Variants in CALN1 observed in about 807,000 individuals in gnomAD.
CALN1 encodes calneuron 1, also known as calcium-binding protein 8.
A neutral mutation model predicts 30.6 loss-of-function variants in CALN1; 17 were observed. The observed-to-expected ratio is 0.56, with a 90% CI of 0.38 to 0.83. The LOEUF (loss-of-function observed/expected upper bound fraction) is 0.83. CALN1 is among the 40% of genes least tolerant of loss of function. CALN1 has a pLI of 0.00. For synonymous variants in CALN1, 156 were observed against 131.4 expected (o/e 1.19, Z -1.28); for missense variants, 291 against 354.9 (o/e 0.82, Z 1.45).
At chr7:72,107,625 G>A (rs1807268024) in intron 3 of CALN1, among the ~76,000 whole-genome samples, 1 of 152,144 alleles carries the variant, frequency 6.6e-6, no homozygotes. Context: ...ACAGTGTGAA[G>A]ATGAAAGGTT....
At chr7:71,980,193 T>TC (rs1309025754) in intron 5 of CALN1, among the ~76,000 whole-genome samples, 3 of 148,938 alleles carry the variant, frequency 2.0e-5, no homozygotes, top group Non-Finnish European at 3.0e-5. Context: ...TTTTCTTTTT[T>TC]TTTTTTTTTT....
At chr7:72,240,935 T>C (rs1449639532) in intron 3 of CALN1, among the ~76,000 whole-genome samples, 3 of 152,336 alleles carry the variant, frequency 2.0e-5, no homozygotes, top group East Asian at 3.9e-4. Context: ...AAAGCATTAT[T>C]TGGCCTTCTG....
At chr7:72,266,077 T>A (rs1308710771) in intron 3 of CALN1, among the ~76,000 whole-genome samples, 2 of 151,596 alleles carry the variant, frequency 1.3e-5, no homozygotes, top group African/African-American at 4.9e-5. Context: ...AAAGCTACAG[T>A]GAGCAGTGAA....
At chr7:71,961,034 C>CT (rs1797224979) in intron 5 of CALN1, among the ~76,000 whole-genome samples, 1 of 152,166 alleles carries the variant, frequency 6.6e-6, no homozygotes, top group South Asian at 2.1e-4. Context: ...CCAGGCTGGT[C>CT]TTGAACTCCT....
chr7:72,464,285 G>A, the CALN1 span, among the ~76,000 whole-genome samples: 1 of 152,112 alleles, frequency 6.6e-6, no homozygotes, highest in Non-Finnish European at 1.5e-5. Context: ...CTCCAGCCTG[G>A]GTAACAAAGC....
At chr7:72,062,798 G>GTCCTATTAATA (rs1268266334) in intron 4 of CALN1, among the ~76,000 whole-genome samples, 5 of 152,100 alleles carry the variant, frequency 3.3e-5, no homozygotes, top group African/African-American at 1.2e-4. Context: ...ATCCTAAATA[G>GTCCTATTAATA]TCCTATTAAA....
intron 5 of CALN1, among the ~76,000 whole-genome samples, chr7:71,959,027 GT>G (rs1477658182): frequency 6.6e-6 from 1 of 152,200 alleles, no homozygotes; most frequent in African/African-American, 2.4e-5. Context: ...TCACTTGTTA[GT>G]TATAAAAGAT....
At chr7:72,293,034 A>C (rs1008533591) in intron 2 of CALN1, among the ~76,000 whole-genome samples, 8 of 151,994 alleles carry the variant, frequency 5.3e-5, no homozygotes, top group Non-Finnish European at 1.0e-4. Context: ...GCCCACTCCT[A>C]TGCTTATCTC....
chr7:72,404,506 G>A (rs936269508), intron 1 of CALN1, among the ~76,000 whole-genome samples: 3 of 152,168 alleles, frequency 2.0e-5, no homozygotes, highest in African/African-American at 4.8e-5. Context: ...ACAAAGCCCC[G>A]GCCACCATGG....
chr7:72,075,221 G>T lies in CALN1; in HGVS notation c.388+30930C>A, dbSNP rs73369892. ...GTAAGATGAGGCCCACCCACTAGTG[G>T]GAAGATAATCTGCTTTACACAGTCT... On this transcript the variant is annotated intron_variant, in intron 4 of 6. Transcript: ENST00000395275. Among the ~76,000 whole-genome samples, 1,512 of 152,280 alleles carry T rather than the reference G, an allele frequency of 9.9e-3. 17 individuals carry two copies. Among genetic ancestry groups the T allele is most frequent in the African/African-American group, 0.032 (1,324 of 41,544 alleles).
chr7:71,996,697 G>A (rs1215360338), intron 5 of CALN1, among the ~76,000 whole-genome samples: 1 of 152,166 alleles, frequency 6.6e-6, no homozygotes, highest in Non-Finnish European at 1.5e-5. Flanking sequence ...TACCCTGGAT[G>A]ATGGGTTGAT....
chr7:72,089,230 A>T (rs1346173030), intron 4 of CALN1, among the ~76,000 whole-genome samples: 1 of 152,166 alleles, frequency 6.6e-6, no homozygotes, highest in Non-Finnish European at 1.5e-5. Flanking sequence ...GGTATTAATC[A>T]TTTGTAACTG....
intron 4 of CALN1, among the ~76,000 whole-genome samples, chr7:72,030,465 C>T (rs865910699): frequency 1.3e-5 from 2 of 152,194 alleles, no homozygotes; most frequent in African/African-American, 2.4e-5. Context: ...GAAATGACCT[C>T]TTTACCAGAT....
At chr7:71,803,928 G>A in intron 6 of CALN1, among the ~76,000 whole-genome samples, 1 of 122,384 alleles carries the variant, frequency 8.2e-6, no homozygotes, top group East Asian at 2.4e-4. Flanking sequence ...TGGAGGGGCT[G>A]TGTATTTGTG....
At chr7:72,473,651 G>A in the CALN1 span, among the ~76,000 whole-genome samples, 1 of 152,144 alleles carries the variant, frequency 6.6e-6, no homozygotes, top group Non-Finnish European at 1.5e-5. Flanking sequence ...AGCATTTGAG[G>A]GCTGGGCACG....
In CALN1 at chr7:72,303,723, C is replaced by T. The variant is rs142056668; in HGVS notation, c.120-24913G>A. On this transcript the variant is annotated intron_variant, in intron 2 of 6. Transcript: ENST00000395275. ...TCCTTTCCTCCTATAAATGTTACAG[C>T]ACTAGGTGGGGTGTGCTGGCTCACA... 1.3e-3 allele frequency among the ~76,000 whole-genome samples: 198 copies of T among 152,034 alleles called. 1 individual carries two copies. The highest frequency in any genetic ancestry group is 4.5e-3 in the African/African-American group (188 of 41,434).
chr7:72,405,753 T>C (rs1255752244), intron 1 of CALN1, among the ~76,000 whole-genome samples: 2 of 152,188 alleles, frequency 1.3e-5, no homozygotes, highest in Non-Finnish European at 2.9e-5. Flanking sequence ...TCAGATATGC[T>C]TTTAGTTGCC....
chr7:72,292,887 G>A (rs1010687979), intron 2 of CALN1, among the ~76,000 whole-genome samples: 34 of 151,414 alleles, frequency 2.2e-4, no homozygotes, highest in African/African-American at 8.0e-4. Flanking sequence ...GAATTACAGG[G>A]GGCTGGGAAA....
upstream of CALN1, among the ~76,000 whole-genome samples, chr7:72,451,767 T>C (rs1253771822): frequency 6.6e-6 from 1 of 152,162 alleles, no homozygotes; most frequent in African/African-American, 2.4e-5. Context: ...CCTTGTGTTA[T>C]GTATTTGTCA....
Sources: gnomAD v4.1 joint callset for allele counts (sites outside exome capture counted in the v4.1 genomes callset) on GRCh38, gnomAD v4.1.1 for gene constraint, MANE v1.5 for transcripts, NCBI Gene and HGNC (gene_info 2026-07-23, HGNC 2026-07-21) for gene names.